C7orf33: variants seen among roughly 807,000 people sequenced by gnomAD.
C7orf33 encodes the protein uncharacterized protein C7orf33.
Under a neutral mutation model 13.4 loss-of-function variants are expected in C7orf33, and 15 were observed. The ratio of observed to expected loss-of-function variants is 1.12; its 90% CI spans 0.75 to 1.72. C7orf33 has a LOEUF of 1.72. Among genes scored for constraint, C7orf33 ranks in the 40% most tolerant of loss-of-function variants. The pLI is 0.00. For synonymous variants in C7orf33, 73 were observed against 83.2 expected, an observed-to-expected ratio of 0.88 and a Z score of 0.67; for missense variants, 187 against 220.3, an observed-to-expected ratio of 0.85 and a Z score of 0.96.
chr7:148,600,724 CTT>C (rs1796402072), intron 1 of C7orf33, among the ~76,000 whole-genome samples: 1 of 149,886 alleles, frequency 6.7e-6, no homozygotes, highest in African/African-American at 2.5e-5. Flanking sequence ...AGGGTTCTGT[CTT>C]ATTAATCTTT....
intron 1 of C7orf33, among the ~76,000 whole-genome samples, chr7:148,610,548 A>G (rs1796526037): frequency 6.6e-6 from 1 of 152,004 alleles, no homozygotes; most frequent in South Asian, 2.1e-4. Context: ...GTGAGTTATT[A>G]CTTAATAAAC....
chr7:148,604,414 A>G (rs1345172896), intron 1 of C7orf33, among the ~76,000 whole-genome samples: 2 of 152,236 alleles, frequency 1.3e-5, no homozygotes, highest in Non-Finnish European at 1.5e-5. Context: ...GGCGTGAGCC[A>G]CCACACCCGG....
chr7:148,594,227 G>A (rs2116886964), intron 1 of C7orf33, among the ~76,000 whole-genome samples: 1 of 148,800 alleles, frequency 6.7e-6, no homozygotes, highest in East Asian at 2.0e-4. Context: ...CCAGGCTGGA[G>A]TGCAGTGGTA....
intron 1 of C7orf33, among the ~76,000 whole-genome samples, chr7:148,601,090 CCG>C (rs1410285035): frequency 6.6e-6 from 1 of 152,122 alleles, no homozygotes; most frequent in Non-Finnish European, 1.5e-5. Flanking sequence ...GTGTGAGCCA[CCG>C]CGCCCGGCCT....
chr7:148,599,784 G>C (rs980828995), intron 1 of C7orf33, among the ~76,000 whole-genome samples: 5 of 152,066 alleles, frequency 3.3e-5, no homozygotes, highest in African/African-American at 1.2e-4. Context: ...AGAATTCTCA[G>C]ATTTCTTAAA....
chr7:148,612,723 A>C (rs1015759470), intron 1 of C7orf33, among the ~76,000 whole-genome samples: 1 of 152,102 alleles, frequency 6.6e-6, no homozygotes, highest in Non-Finnish European at 1.5e-5. Flanking sequence ...ATAACTAAAA[A>C]GGCAAGTAAT....
intron 1 of C7orf33, among the ~76,000 whole-genome samples, chr7:148,613,113 G>A (rs976508104): frequency 1.3e-5 from 2 of 151,980 alleles, no homozygotes; most frequent in Admixed American, 6.6e-5. Flanking sequence ...CTGTCATTTC[G>A]TATCCATTAA....
intron 1 of C7orf33, among the ~76,000 whole-genome samples, chr7:148,603,868 G>T (rs1357488972): frequency 3.3e-5 from 5 of 152,034 alleles, no homozygotes; most frequent in Admixed American, 2.0e-4. Context: ...ACACTTTATA[G>T]AACTACCATT....
chr7:148,596,199 G>A (rs1204989475), intron 1 of C7orf33, among the ~76,000 whole-genome samples: 1 of 152,138 alleles, frequency 6.6e-6, no homozygotes, highest in African/African-American at 2.4e-5. Context: ...AGAAAATAGA[G>A]ATTTCTGGTA....
intron 1 of C7orf33, among the ~76,000 whole-genome samples, chr7:148,596,258 A>C (rs1014887135): frequency 6.6e-6 from 1 of 152,082 alleles, no homozygotes; most frequent in African/African-American, 2.4e-5. Flanking sequence ...AACTTCCCCC[A>C]CCAGAATGGT....
At chr7:148,610,839 G>A (rs1036148591) in intron 1 of C7orf33, among the ~76,000 whole-genome samples, 9 of 152,112 alleles carry the variant, frequency 5.9e-5, no homozygotes, top group African/African-American at 2.2e-4. Flanking sequence ...CCACCAAAAG[G>A]ACAAAGTGTC....
Position 148,614,072 on chromosome 7 carries a change from G to T in C7orf33, c.235G>T (p.Gly79Trp). 6.2e-7 allele frequency: 1 copy of T among 1,614,100 alleles called. No individual in the cohort carries two copies. Among genetic ancestry groups the T allele is most frequent in the Non-Finnish European group, 8.5e-7 (1 of 1,180,008 alleles). The change falls in exon 2 of 3, where the codon GGG becomes TGG. Residue 79 changes from glycine (G) to tryptophan (W), a missense_variant. Gly to Trp is a radical substitution (Grantham distance 184). Coordinates refer to ENST00000307003, the MANE Select transcript of C7orf33 (RefSeq NM_145304.4). Reference sequence around the variant, plus strand: ...AAACCCACACCAAAACATGAACCGGGGGATGGAATTTATTGCTCCTGTATC... The same window carrying T: ...AAACCCACACCAAAACATGAACCGGTGGATGGAATTTATTGCTCCTGTATC... ...KPNPHQNMNR[G>W]MEFIAPVSAP...
intron 1 of C7orf33, among the ~76,000 whole-genome samples, chr7:148,611,150 C>T (rs876201): frequency 0.53 from 80,176 of 151,904 alleles, 21,368 homozygotes; most frequent in East Asian, 0.57. Context: ...AGCCCTTCCC[C>T]ATAACTAGTG....
At chr7:148,610,233 C>A (rs1796521483) in intron 1 of C7orf33, among the ~76,000 whole-genome samples, 1 of 152,084 alleles carries the variant, frequency 6.6e-6, no homozygotes, top group African/African-American at 2.4e-5. Flanking sequence ...AAGTATTGAT[C>A]CTGGGTGTGT....
chr7:148,596,019 A>G (rs1796335053), intron 1 of C7orf33, among the ~76,000 whole-genome samples: 1 of 151,922 alleles, frequency 6.6e-6, no homozygotes, highest in Non-Finnish European at 1.5e-5. Flanking sequence ...TTTTTTTCAA[A>G]TATATTTTAG....
At chr7:148,603,493 G>A (rs1399701381) in intron 1 of C7orf33, among the ~76,000 whole-genome samples, 11 of 152,044 alleles carry the variant, frequency 7.2e-5, no homozygotes, top group Admixed American at 1.3e-4. Context: ...GCAACAGAGC[G>A]AGACTCTGTC....
intron 1 of C7orf33, among the ~76,000 whole-genome samples, chr7:148,611,301 A>G (rs1023718396): frequency 4.6e-5 from 7 of 152,074 alleles, no homozygotes; most frequent in African/African-American, 1.4e-4. Context: ...TTCCAAGACC[A>G]CCCTGGCCAA....
At chr7:148,613,903 G>A (rs1796573471) in intron 1 of C7orf33, 139 bp from the exon 2 acceptor site, 2 of 927,694 alleles carry the variant, frequency 2.2e-6, no homozygotes, top group African/African-American at 3.3e-5. Context: ...GAATATCTTT[G>A]TCTATAATCT....
At chr7:148,594,632 C>G in intron 1 of C7orf33, among the ~76,000 whole-genome samples, 1 of 152,062 alleles carries the variant, frequency 6.6e-6, no homozygotes, top group South Asian at 2.1e-4. Context: ...ATTTCATTTG[C>G]TTGGCAGAAG....
Sources: gnomAD v4.1 joint callset for allele counts (sites outside exome capture counted in the v4.1 genomes callset) on GRCh38, gnomAD v4.1.1 for gene constraint, MANE v1.5 for transcripts, NCBI Gene and HGNC (gene_info 2026-07-23, HGNC 2026-07-21) for gene names.